The following PIEZO2 variants were observed in gnomAD, a reference collection of about 807,000 sequenced individuals.
The protein encoded by PIEZO2 is piezo type mechanosensitive ion channel component 2, also known as piezo-type mechanosensitive ion channel component 2.
PIEZO2 carries 172 observed loss-of-function variants against 337.3 expected under a neutral mutation model. That is an observed-to-expected ratio of 0.51 (90% confidence interval 0.45 to 0.58). PIEZO2 has a LOEUF of 0.58. PIEZO2 is among the 20% of genes least tolerant of loss of function. The pLI, the probability that PIEZO2 is intolerant of heterozygous loss-of-function variation, is 0.00. For missense variants in PIEZO2, 3,028 were observed against 3,391.3 expected (o/e 0.89, Z 2.66); for synonymous variants, 1,251 against 1,228.5 (o/e 1.02, Z -0.38).
Position 10,929,729 on chromosome 18 carries a change from A to G in PIEZO2, c.287-18501T>C, listed in dbSNP as rs1248160469. On this transcript the variant is annotated intron_variant, in intron 3 of 55. Coordinates refer to ENST00000674853, the MANE Select transcript of PIEZO2 (RefSeq NM_001378183.1). The surrounding 1 kb of genome is among the most constrained non-coding windows in gnomAD (Gnocchi z 5.6). ...AGATGGACGGAATGTTAGAATGTGT[A>G]TGCTTGACCTGAGGGAGATCTTGGG... is the stretch of plus-strand genomic sequence containing the variant. 1.3e-5 allele frequency among the ~76,000 whole-genome samples: 2 copies of G among 152,224 alleles called. No homozygotes were observed. The highest frequency in any genetic ancestry group is 2.9e-5 in the Non-Finnish European group (2 of 68,042).
Position 11,001,939 on chromosome 18 carries a change from AAGGAAGGAAG to A in PIEZO2, c.161-22289_161-22280del, listed in dbSNP as rs2035556819. Among the ~76,000 whole-genome samples the A allele has an allele frequency of 6.6e-6, 1 of 150,586 alleles. No individual in the cohort carries two copies. Among genetic ancestry groups the A allele is most frequent in the African/African-American group, 2.4e-5 (1 of 40,906 alleles). ...GAAGGAAGGAAGGAAGGAAGGAAGGAAGGAAGGAAGAAAAAAAGACTTGGAAGGAGCCAAA... is the reference window on the plus strand; with the variant it reads ...GAAGGAAGGAAGGAAGGAAGGAAGGAAAAAAAAGACTTGGAAGGAGCCAAA... On this transcript the variant is annotated intron_variant, in intron 2 of 55. Transcript: ENST00000674853. The surrounding 1 kb of genome is among the most constrained non-coding windows in gnomAD (Gnocchi z 5.3).
At chr18:10,900,615 C>T (rs961797255) in intron 4 of PIEZO2, among the ~76,000 whole-genome samples, 1 of 152,198 alleles carries the variant, frequency 6.6e-6, no homozygotes, top group Non-Finnish European at 1.5e-5. Context: ...TGTCTTGGCA[C>T]GTCAGTTTTC....
At chr18:10,896,507 T>C (rs1391852087) in intron 4 of PIEZO2, among the ~76,000 whole-genome samples, 1 of 152,188 alleles carries the variant, frequency 6.6e-6, no homozygotes, top group Non-Finnish European at 1.5e-5. Flanking sequence ...CAGAGTAGAG[T>C]GCAGAGAAGT....
At chr18:10,923,674 T>C (rs1598695838) in intron 3 of PIEZO2, among the ~76,000 whole-genome samples, 1 of 152,208 alleles carries the variant, frequency 6.6e-6, no homozygotes, top group Non-Finnish European at 1.5e-5. Context: ...CTCCTCAGAG[T>C]AGCTTGCTAT....
chr18:11,131,270 G>A lies in PIEZO2; in HGVS notation c.64+17255C>T, dbSNP rs558055451. Among the ~76,000 whole-genome samples, 1 of 152,316 alleles carries A rather than the reference G, an allele frequency of 6.6e-6. No homozygotes were observed. The highest frequency in any genetic ancestry group is 1.9e-4 in the East Asian group (1 of 5,180). On this transcript the variant is annotated intron_variant, in intron 1 of 55. Transcript: ENST00000674853. This position sits in a 1 kb window ranked among gnomAD's most constrained non-coding sequence, Gnocchi z 5.3. ...CAGCATTCCATCATCAAATGGAAGT[G>A]ATATATACATGATCGGGCTCGAGCA...
rs1055833881 is a variant in PIEZO2, at chr18:10,828,920, C to G, written c.918-21646G>C. On this transcript the variant is annotated intron_variant, in intron 7 of 55. Transcript: ENST00000674853. The surrounding 1 kb of genome is among the most constrained non-coding windows in gnomAD (Gnocchi z 4.1). ...TTGCTGCTGGTTCATGCTGCTGCTTCCTCCAGGAAGCCTTTCCTCAGCATG... is the reference window on the plus strand; with the variant it reads ...TTGCTGCTGGTTCATGCTGCTGCTTGCTCCAGGAAGCCTTTCCTCAGCATG... Among the ~76,000 whole-genome samples, 14 of 152,174 alleles carry G rather than the reference C, an allele frequency of 9.2e-5. No homozygotes were observed. The highest frequency in any genetic ancestry group is 1.9e-4 in the Non-Finnish European group (13 of 68,040).
At position 11,007,391 on chromosome 18, in the gene PIEZO2, T is replaced by C. The variant is rs2035758925; in HGVS notation, c.161-27731A>G. 1.3e-5 allele frequency among the ~76,000 whole-genome samples: 2 copies of C among 152,238 alleles called. 1 individual carries two copies. Among genetic ancestry groups the C allele is most frequent in the Admixed American group, 1.3e-4 (2 of 15,284 alleles). On this transcript the variant is annotated intron_variant, in intron 2 of 55. Coordinates refer to ENST00000674853, the MANE Select transcript of PIEZO2 (RefSeq NM_001378183.1). The stretch of plus-strand genomic sequence containing the variant: ...CTTCAGTGTACAATTCAATGAGTTT[T>C]AGCAAATGTATGCATATAGGGTTCC...
chr18:10,698,030 T>C, intron 44 of PIEZO2, 150 bp from the exon 45 acceptor site: 1 of 102,900 alleles, frequency 9.7e-6, no homozygotes. Context: ...GGATTTGTCC[T>C]CAACTCTGCT....
chr18:10,950,959 C>T (rs1425397172), intron 3 of PIEZO2, among the ~76,000 whole-genome samples: 1 of 152,132 alleles, frequency 6.6e-6, no homozygotes, highest in African/African-American at 2.4e-5. Context: ...CTGTGAAAGT[C>T]GATCATACAA....
In PIEZO2 at chr18:10,744,238, G is replaced by A. The variant is rs976075161; in HGVS notation, c.4425-7C>T. On this transcript the variant is annotated splice_polypyrimidine_tract_variant and splice_region_variant and intron_variant, in intron 30 of 55. Transcript: ENST00000674853. Reference sequence around the variant, plus strand: ...CTGGAAAAGTTCAGCTCCTCTAAAGGGAAAGTGGAAACATGAACAAGTCAA... The same window carrying A: ...CTGGAAAAGTTCAGCTCCTCTAAAGAGAAAGTGGAAACATGAACAAGTCAA... 1.3e-6 allele frequency: 2 copies of A among 1,491,452 alleles called. No individual in the cohort carries two copies. The highest frequency in any genetic ancestry group is 2.8e-5 in the African/African-American group (2 of 71,958). The allele number at this position is 1,491,452 out of a possible 1,614,324, so 92.4% of individuals were successfully genotyped here. A position where few individuals can be genotyped will look rare whatever the true frequency, so the allele number is the denominator to read the frequency against.
Position 10,682,039 on chromosome 18 carries a change from C to T in PIEZO2, c.7686+65G>A. The stretch of plus-strand genomic sequence containing the variant: ...AGCCCATGACTAAACACCCTACAGA[C>T]AGCTATCATAAAGGAATGTGGCGTG... On this transcript the variant is annotated intron_variant, in intron 50 of 55. Coordinates refer to ENST00000674853, the MANE Select transcript of PIEZO2 (RefSeq NM_001378183.1). The surrounding 1 kb of genome is among the most constrained non-coding windows in gnomAD (Gnocchi z 5.6). 2 of 1,429,862 alleles carry T rather than the reference C, an allele frequency of 1.4e-6. No homozygotes were observed. The highest frequency in any genetic ancestry group is 1.9e-6 in the Non-Finnish European group (2 of 1,073,200). 88.6% of individuals were successfully genotyped at this position (1,429,862 alleles called of 1,614,324 possible).
At position 10,859,736 on chromosome 18, in the gene PIEZO2, T is replaced by C. The variant is rs986818311; in HGVS notation, c.493-2525A>G. Among the ~76,000 whole-genome samples the C allele has an allele frequency of 5.3e-5, 8 of 152,210 alleles. No homozygotes were observed. Among genetic ancestry groups the C allele is most frequent in the Non-Finnish European group, 8.8e-5 (6 of 68,038 alleles). ...CCTACCTAATTTCTCTTGAACCTACTCAAATCAGACTTTGATCTTCAACCA... is the reference window on the plus strand; with the variant it reads ...CCTACCTAATTTCTCTTGAACCTACCCAAATCAGACTTTGATCTTCAACCA... On this transcript the variant is annotated intron_variant, in intron 5 of 55. Coordinates refer to ENST00000674853, the MANE Select transcript of PIEZO2 (RefSeq NM_001378183.1). This position sits in a 1 kb window ranked among gnomAD's most constrained non-coding sequence, Gnocchi z 4.9.
rs999542949 is a variant in PIEZO2 at position 11,148,672 on chromosome 18, T to C, written c.-84A>G. On this transcript the variant is annotated 5_prime_UTR_variant, in exon 1 of 56. Transcript: ENST00000674853. This position sits in a 1 kb window ranked among gnomAD's most constrained non-coding sequence, Gnocchi z 5.2. Reference sequence around the variant, plus strand: ...GGGACGCAAGGCCCATGCCCGTCTATGGCCTCTCGCCGCCGGCAGCTCGCA... The same window carrying C: ...GGGACGCAAGGCCCATGCCCGTCTACGGCCTCTCGCCGCCGGCAGCTCGCA... 4.2e-6 allele frequency: 6 copies of C among 1,416,970 alleles called. No homozygotes were observed. In the Middle Eastern group the frequency reaches 5.9e-4, roughly 140 times the overall value. 87.8% of individuals were successfully genotyped at this position (1,416,970 alleles called of 1,614,324 possible).
intron 3 of PIEZO2, among the ~76,000 whole-genome samples, chr18:10,959,611 A>G (rs1048653227): frequency 6.6e-6 from 1 of 152,286 alleles, no homozygotes; most frequent in South Asian, 2.1e-4. Flanking sequence ...AACACCTGGT[A>G]TGAAACATCC....
rs1324338715 is a variant in PIEZO2, at chr18:10,870,578, C to T, written c.492+675G>A. Reference sequence around the variant, plus strand: ...AACATAACAGTGTCCTGAGGCTGGTCAGGGGGCAGCGTGAGAGCCGTCTGA... The same window carrying T: ...AACATAACAGTGTCCTGAGGCTGGTTAGGGGGCAGCGTGAGAGCCGTCTGA... On this transcript the variant is annotated intron_variant, in intron 5 of 55. Transcript: ENST00000674853. The surrounding 1 kb of genome is among the most constrained non-coding windows in gnomAD (Gnocchi z 5.3). Among the ~76,000 whole-genome samples, 1 of 151,280 alleles carries T rather than the reference C, an allele frequency of 6.6e-6. No individual in the cohort carries two copies. The highest frequency in any genetic ancestry group is 6.6e-5 in the Admixed American group (1 of 15,192).
intron 7 of PIEZO2, among the ~76,000 whole-genome samples, chr18:10,825,567 T>TG (rs2040647494): frequency 6.6e-6 from 1 of 150,442 alleles, no homozygotes. Flanking sequence ...TTTTTTTTTT[T>TG]TGAGACAGAA....
At chr18:10,756,532 G>A (rs2037860071) in intron 27 of PIEZO2, among the ~76,000 whole-genome samples, 1 of 139,112 alleles carries the variant, frequency 7.2e-6, no homozygotes, top group South Asian at 2.5e-4. Context: ...GAAGGATGAG[G>A]ATGAGTAGGA....
At chr18:11,113,386 C>A (rs1457537478) in intron 1 of PIEZO2, among the ~76,000 whole-genome samples, 1 of 152,224 alleles carries the variant, frequency 6.6e-6, no homozygotes, top group Non-Finnish European at 1.5e-5. Context: ...CTTGACCAAA[C>A]TTTAATCAGG....
At position 10,854,401 on chromosome 18, in the gene PIEZO2, C is replaced by T. The variant is rs937973697; in HGVS notation, c.917+952G>A. Among the ~76,000 whole-genome samples, 2 of 152,114 alleles carry T rather than the reference C, an allele frequency of 1.3e-5. No homozygotes were observed. Among genetic ancestry groups the T allele is most frequent in the East Asian group, 1.9e-4 (1 of 5,194 alleles). ...CTACTTTGTCATTGTGCAACCACCACGACCTTTATAGTAATTATTTCAGGT... is the reference window on the plus strand; with the variant it reads ...CTACTTTGTCATTGTGCAACCACCATGACCTTTATAGTAATTATTTCAGGT... On this transcript the variant is annotated intron_variant, in intron 7 of 55. Coordinates refer to ENST00000674853, the MANE Select transcript of PIEZO2 (RefSeq NM_001378183.1). This position sits in a 1 kb window ranked among gnomAD's most constrained non-coding sequence, Gnocchi z 4.6.
Sources: gnomAD v4.1 joint callset for allele counts (sites outside exome capture counted in the v4.1 genomes callset) on GRCh38, gnomAD v4.1.1 for gene constraint, Gnocchi (gnomAD v3.1) non-coding constraint, MANE v1.5 for transcripts, NCBI Gene and HGNC (gene_info 2026-07-23, HGNC 2026-07-21) for gene names.